CUL3: variants seen among roughly 807,000 people sequenced by gnomAD.
The protein encoded by CUL3 is cullin-3.
Under a neutral mutation model 89.1 loss-of-function variants are expected in CUL3, and 19 were observed. The observed-to-expected ratio is 0.21, with a 90% CI of 0.15 to 0.31. CUL3 has a LOEUF of 0.31. Ranked by LOEUF, CUL3 falls within the 10% of genes least tolerant of loss-of-function variation. CUL3 has a pLI of 1.00. For missense variants in CUL3, 469 were observed against 942.3 expected (o/e 0.50, Z 6.58); for synonymous variants, 351 against 308.4 (o/e 1.14, Z -1.45).
chr2:224,491,675 AACT>A (rs1389269555), intron 13 of CUL3, among the ~76,000 whole-genome samples: 1 of 152,174 alleles, frequency 6.6e-6, no homozygotes, highest in African/African-American at 2.4e-5. Flanking sequence ...TTTTCCTACT[AACT>A]ACTACAATGA....
chr2:224,518,193 C>T lies in CUL3; in HGVS notation c.379-3421G>A, dbSNP rs535890350. Among the ~76,000 whole-genome samples the T allele has an allele frequency of 2.6e-5, 4 of 152,230 alleles. No individual in the cohort carries two copies. The South Asian group carries it at 8.3e-4, about 32-fold the overall frequency. ...TCTGCTTTCAGTCTCTGTAAATTTCCTTTTGTGGTCATTTCATATAATTAT... is the reference window on the plus strand; with the variant it reads ...TCTGCTTTCAGTCTCTGTAAATTTCTTTTTGTGGTCATTTCATATAATTAT... On this transcript the variant is annotated intron_variant, in intron 3 of 15. Transcript: ENST00000264414.
intron 2 of CUL3, among the ~76,000 whole-genome samples, chr2:224,557,096 A>T (rs1694735617): frequency 6.6e-6 from 1 of 152,152 alleles, no homozygotes; most frequent in South Asian, 2.1e-4. Context: ...TACATTTTAC[A>T]TGCATTGGAA....
At chr2:224,475,652 T>C (rs1269000316) in intron 15 of CUL3, among the ~76,000 whole-genome samples, 1 of 152,158 alleles carries the variant, frequency 6.6e-6, no homozygotes, top group African/African-American at 2.4e-5. Context: ...ACCCATCACC[T>C]GAGATCTCCC....
At chr2:224,506,793 G>C (rs1197920879) in intron 7 of CUL3, 65 bp downstream of exon 7, 5 of 1,417,796 alleles carry the variant, frequency 3.5e-6, no homozygotes, top group Non-Finnish European at 4.9e-6. Flanking sequence ...TGGTAAAAGT[G>C]GCCTTTTTAG....
chr2:224,493,672 G>A (rs1692064920), intron 13 of CUL3, among the ~76,000 whole-genome samples: 1 of 152,132 alleles, frequency 6.6e-6, no homozygotes, highest in Non-Finnish European at 1.5e-5. Flanking sequence ...TTTAAAAAAT[G>A]AATTCGTATT....
At chr2:224,487,445 A>C (rs55652405) in intron 13 of CUL3, among the ~76,000 whole-genome samples, 3,910 of 52,234 alleles carry the variant, frequency 0.075, 8 homozygotes, top group Non-Finnish European at 0.091. Context: ...GCCCCCCCCA[A>C]AAAAAAAAAA....
chr2:224,491,009 C>T (rs1199313648), intron 13 of CUL3, among the ~76,000 whole-genome samples: 1 of 151,964 alleles, frequency 6.6e-6, no homozygotes, highest in African/African-American at 2.4e-5. Context: ...ATTAAAAAAA[C>T]GTGATATGGT....
At chr2:224,547,496 T>C (rs1574681290) in intron 2 of CUL3, among the ~76,000 whole-genome samples, 1 of 152,122 alleles carries the variant, frequency 6.6e-6, no homozygotes, top group African/African-American at 2.4e-5. Flanking sequence ...CTCCTCTTTC[T>C]ACCTTGCCCT....
chr2:224,510,689 GTTCTT>G (rs1322009708), intron 6 of CUL3, among the ~76,000 whole-genome samples: 4 of 152,058 alleles, frequency 2.6e-5, no homozygotes, highest in Non-Finnish European at 5.9e-5. Context: ...TATGGTTATT[GTTCTT>G]TTAACTTGTA....
In CUL3 at chr2:224,506,135, T is replaced by G; in HGVS notation, c.1030-3A>C. The G allele has an allele frequency of 6.4e-7, 1 of 1,555,946 alleles. No individual in the cohort carries two copies. The highest frequency in any genetic ancestry group is 1.3e-5 in the South Asian group (1 of 79,506). On this transcript the variant is annotated splice_polypyrimidine_tract_variant and splice_region_variant and intron_variant, in intron 7 of 15. Transcript: ENST00000264414. ...CTACTCTTCAGATCCAATAAGCCCT[T>G]AGAAATAAAAACAAAATTTAGGACA... is the stretch of plus-strand genomic sequence containing the variant.
intron 2 of CUL3, among the ~76,000 whole-genome samples, chr2:224,542,950 G>A (rs1694171399): frequency 6.6e-6 from 1 of 152,098 alleles, no homozygotes; most frequent in African/African-American, 2.4e-5. Flanking sequence ...AGCAGCTCTT[G>A]GGCTAGCTGG....
At chr2:224,570,619 T>C (rs928127480) in intron 1 of CUL3, among the ~76,000 whole-genome samples, 15 of 151,760 alleles carry the variant, frequency 9.9e-5, no homozygotes, top group African/African-American at 3.6e-4. Context: ...GGGGGAGTGC[T>C]GCCAAAAAAA....
chr2:224,482,109 C>CT, intron 13 of CUL3, 31 bp from the exon 14 acceptor site: 1 of 1,546,592 alleles, frequency 6.5e-7, no homozygotes, highest in Non-Finnish European at 8.7e-7. Flanking sequence ...CATAATTAGA[C>CT]TTTTTGAAAG....
chr2:224,498,399 C>T (rs901170397), intron 11 of CUL3, among the ~76,000 whole-genome samples: 2 of 152,042 alleles, frequency 1.3e-5, no homozygotes, highest in Admixed American at 1.3e-4. Flanking sequence ...CTATCCACAC[C>T]ATATTTTTTC....
At chr2:224,478,847 A>G (rs1691425015) in intron 14 of CUL3, 1 of 152,362 alleles carries the variant, frequency 6.6e-6, no homozygotes, top group South Asian at 2.1e-4. Flanking sequence ...TAAATAATTT[A>G]AAAGTACCAC....
intron 1 of CUL3, among the ~76,000 whole-genome samples, chr2:224,570,980 A>T (rs186634978): frequency 6.6e-6 from 1 of 152,222 alleles, no homozygotes; most frequent in Non-Finnish European, 1.5e-5. Flanking sequence ...TCTTTCGACT[A>T]TATCTCTGTG....
Position 224,502,986 on chromosome 2 carries a change from C to T in CUL3, c.1464G>A (p.Arg488=), listed in dbSNP as rs2106194301. 1.9e-6 allele frequency: 3 copies of T among 1,613,636 alleles called. No individual in the cohort carries two copies. The highest frequency in any genetic ancestry group is 2.5e-6 in the Non-Finnish European group (3 of 1,179,626). ...SISNTTMDEF[R]QHLQATGVSL... is the part of the protein sequence containing the mutation. ...TTACACCAGTTGCCTGTAGATGTTG[C>T]CTGAATTCATCCATCGTTGTGTTTG... The change falls in exon 10 of 16, where the codon AGG becomes AGA. Residue 488 remains arginine, a synonymous_variant. Transcript: ENST00000264414.
At chr2:224,549,823 G>A (rs933340139) in intron 2 of CUL3, among the ~76,000 whole-genome samples, 1 of 151,912 alleles carries the variant, frequency 6.6e-6, no homozygotes, top group African/African-American at 2.4e-5. Context: ...ATTTAAAACC[G>A]TGCTTTAGTA....
chr2:224,513,780 A>T, intron 4 of CUL3, 142 bp from the exon 5 acceptor site: 1 of 575,354 alleles, frequency 1.7e-6, no homozygotes, highest in South Asian at 2.5e-5. Flanking sequence ...CCACTCATGT[A>T]AAACGAAAGG....
Sources: gnomAD v4.1 joint callset for allele counts (sites outside exome capture counted in the v4.1 genomes callset) on GRCh38, gnomAD v4.1.1 for gene constraint, MANE v1.5 for transcripts, NCBI Gene and HGNC (gene_info 2026-07-23, HGNC 2026-07-21) for gene names.